The following CCDC136 variants were observed in gnomAD, a reference collection of about 807,000 sequenced individuals.
CCDC136 encodes coiled-coil domain-containing protein 136.
A neutral mutation model predicts 141.2 loss-of-function variants in CCDC136; 100 were observed. The observed-to-expected ratio is 0.71, with a 90% CI of 0.60 to 0.84. The LOEUF (loss-of-function observed/expected upper bound fraction) is 0.84. Among genes scored for constraint, CCDC136 ranks in the 40% least tolerant of loss-of-function variants. The pLI is 0.00. For synonymous variants in CCDC136, 474 were observed against 531.9 expected, an observed-to-expected ratio of 0.89 and a Z score of 1.50; for missense variants, 1,206 against 1,379.4, an observed-to-expected ratio of 0.87 and a Z score of 1.99.
chr7:128,809,427 T>TCCACACCCCCCCCCCC, intron 10 of CCDC136, 23 bp from the exon 11 acceptor site: 1 of 991,898 alleles, frequency 1.0e-6, no homozygotes, highest in Non-Finnish European at 1.5e-6. Flanking sequence ...AACCACCCCC[T>TCCACACCCCCCCCCCC]CCACACCCGC....
At chr7:128,792,501 C>T in intron 1 of CCDC136, 74 bp downstream of exon 1, 1 of 1,217,764 alleles carries the variant, frequency 8.2e-7, no homozygotes, top group Non-Finnish European at 1.2e-6. Flanking sequence ...CCCTCTGACC[C>T]CCAGGCCTCT....
At chr7:128,814,288 G>A (rs894911346) in intron 14 of CCDC136, among the ~76,000 whole-genome samples, 44 of 152,020 alleles carry the variant, frequency 2.9e-4, no homozygotes, top group African/African-American at 1.0e-3. Context: ...GTTTCACCAT[G>A]TTGGCCAGGC....
intron 12 of CCDC136, 101 bp from the exon 13 acceptor site, chr7:128,811,699 A>G (rs983523185): frequency 8.1e-6 from 9 of 1,108,854 alleles, no homozygotes; most frequent in East Asian, 2.5e-5. Context: ...TAGGTGTGCC[A>G]TTCTCTAAGG....
intron 12 of CCDC136, chr7:128,811,142 G>T (rs1205798231): frequency 5.7e-6 from 2 of 353,696 alleles, no homozygotes; most frequent in Non-Finnish European, 1.1e-5. Context: ...GGAGAACCAG[G>T]GAGTAGCAGA....
intron 1 of CCDC136, 66 bp downstream of exon 1, chr7:128,792,493 C>G: frequency 7.7e-7 from 1 of 1,292,648 alleles, no homozygotes. Flanking sequence ...TCTTTCCTCC[C>G]TCTGACCCCC....
chr7:128,807,711 T>C lies in CCDC136; in HGVS notation c.1605+166T>C. 6.8e-6 allele frequency: 3 copies of C among 442,994 alleles called. No individual in the cohort carries two copies. In the Middle Eastern group the frequency reaches 1.7e-3, roughly 244 times the overall value. 27.4% of individuals were successfully genotyped at this position (442,994 alleles called of 1,614,324 possible). Reference sequence around the variant, plus strand: ...AACTTCAAAATTGTTTGCCCTGACCTTGACTTTGAGCCAGAGCCACAGCTT... The same window carrying C: ...AACTTCAAAATTGTTTGCCCTGACCCTGACTTTGAGCCAGAGCCACAGCTT... On this transcript the variant is annotated intron_variant, in intron 10 of 17. Transcript: ENST00000297788.
intron 3 of CCDC136, among the ~76,000 whole-genome samples, chr7:128,796,951 C>T (rs973855583): frequency 5.3e-5 from 8 of 150,952 alleles, no homozygotes; most frequent in Non-Finnish European, 1.0e-4. Flanking sequence ...CCGTTTTAGC[C>T]GGGATGGTCT....
rs765467485 is a variant in CCDC136, at chr7:128,804,653, A to T, written c.674A>T (p.Glu225Val). ...TCTCTCTGCCTGTCCTCTGCAGAAG[A>T]ACTGCAGGAGCTGCGGGAACGCTAC... Reference protein sequence around the residue: ...GLSDYSGLQEELQELRERYHF... With the variant: ...GLSDYSGLQEVLQELRERYHF... Residue 225 changes from glutamate to valine, a missense_variant, in exon 5 of 18, where the codon GAA (glutamate) becomes GTA (valine). Physicochemically the swap from Glu to Val is moderately radical, Grantham distance 121. Transcript: ENST00000297788. The T allele has an allele frequency of 5.4e-5, 84 of 1,552,756 alleles. No homozygotes were observed. The highest frequency in any genetic ancestry group is 7.1e-5 in the Non-Finnish European group (81 of 1,143,340).
Position 128,794,509 on chromosome 7 carries a change from G to A in CCDC136, c.178G>A (p.Glu60Lys). ...GAGCCTCACGGAGACAGAGCTGGAGGAGCTGCGGGCTCAGGTGCTGCAGCT... is the reference window on the plus strand; with the variant it reads ...GAGCCTCACGGAGACAGAGCTGGAGAAGCTGCGGGCTCAGGTGCTGCAGCT... ...GLSLTETELE[E>K]LRAQVLQLVA... The change falls in exon 2 of 18, where the codon GAG (glutamate) becomes AAG (lysine). Residue 60 changes from glutamate (E) to lysine (K), a missense_variant. Physicochemically the swap from Glu to Lys is moderately conservative, Grantham distance 56. Coordinates refer to ENST00000297788, the MANE Select transcript of CCDC136 (RefSeq NM_022742.5). The surrounding 1 kb of genome is among the most constrained non-coding windows in gnomAD (Gnocchi z 4.3). 1.3e-6 allele frequency: 2 copies of A among 1,552,774 alleles called. No individual in the cohort carries two copies. The highest frequency in any genetic ancestry group is 2.4e-5 in the East Asian group (1 of 40,980).
In CCDC136 at chr7:128,801,058, A is replaced by T. The variant is rs1803946196; in HGVS notation, c.347-128A>T. 7 of 639,138 alleles carry T rather than the reference A, an allele frequency of 1.1e-5. No homozygotes were observed. In the South Asian group the frequency reaches 1.4e-4, roughly 13 times the overall value. The allele number at this position is 639,138 out of a possible 1,614,324, so 39.6% of individuals were successfully genotyped here. ...TCCGGCATGATGCTACACTTCTCTG[A>T]TGGGGTAGAGACAAGGTTTTCAGGA... On this transcript the variant is annotated intron_variant, in intron 3 of 17. Transcript: ENST00000297788.
rs999891532 is a variant in CCDC136 at position 128,794,901 on chromosome 7, A to G, written c.346+133A>G. On this transcript the variant is annotated intron_variant, in intron 3 of 17. Coordinates refer to ENST00000297788, the MANE Select transcript of CCDC136 (RefSeq NM_022742.5). The surrounding 1 kb of genome is among the most constrained non-coding windows in gnomAD (Gnocchi z 4.3). ...CAGTAATTTCACCTCATTTTCCTCT[A>G]CTAGTCTCACCCTTTTCCTCTCCTT... 5.2e-5 allele frequency: 36 copies of G among 690,562 alleles called. No homozygotes were observed. The Admixed American group carries it at 6.8e-4, about 13-fold the overall frequency. 42.8% of individuals were successfully genotyped at this position (690,562 alleles called of 1,614,324 possible).
intron 14 of CCDC136, 39 bp from the exon 15 acceptor site, chr7:128,814,599 C>T (rs1199980031): frequency 6.7e-7 from 1 of 1,500,116 alleles, no homozygotes; most frequent in African/African-American, 1.4e-5. Flanking sequence ...GGTTGCATAA[C>T]CAGCCAACTC....
Position 128,794,840 on chromosome 7 carries a change from T to A in CCDC136, c.346+72T>A. 8.2e-7 allele frequency: 1 copy of A among 1,224,484 alleles called. No individual in the cohort carries two copies. The highest frequency in any genetic ancestry group is 1.2e-6 in the Non-Finnish European group (1 of 853,446). The allele number at this position is 1,224,484 out of a possible 1,614,324, so 75.9% of individuals were successfully genotyped here. ...CACCTAAGTACTTTTTTCCTGAGGG[T>A]TTGACTGAAGCACAGCAGATAAAAA... On this transcript the variant is annotated intron_variant, in intron 3 of 17. Transcript: ENST00000297788. The surrounding 1 kb of genome is among the most constrained non-coding windows in gnomAD (Gnocchi z 4.3).
At chr7:128,812,968 C>T (rs1239989323) in intron 14 of CCDC136, 39 bp downstream of exon 14, 2 of 1,437,564 alleles carry the variant, frequency 1.4e-6, no homozygotes, top group South Asian at 1.2e-5. Flanking sequence ...CTCTGGCAGC[C>T]CCTGGAGCCA....
At position 128,812,716 on chromosome 7, in the gene CCDC136, G is replaced by A; in HGVS notation, c.2550G>A (p.Glu850=). The change falls in exon 14 of 18, where the codon GAG becomes GAA. Residue 850 remains glutamate (E), a synonymous_variant. Transcript: ENST00000297788. ...TCCCCCACCCCCCGCAGCGCTTTGA[G>A]GAAATGGTTGTGAAAGTGCTGATCA... ...PAEPEDMERF[E]EMVVKVLIKL... is the part of the protein sequence containing the mutation. The A allele has an allele frequency of 1.9e-6, 3 of 1,612,904 alleles. No homozygotes were observed. The highest frequency in any genetic ancestry group is 2.5e-6 in the Non-Finnish European group (3 of 1,179,676).
chr7:128,796,739 A>ATATATATATATATATATTTTTT, intron 3 of CCDC136, among the ~76,000 whole-genome samples: 3 of 113,376 alleles, frequency 2.6e-5, no homozygotes, highest in African/African-American at 9.2e-5. Context: ...ATATATATAT[A>ATATATATATATATATATTTTTT]TTCTTTTTTT....
intron 10 of CCDC136, among the ~76,000 whole-genome samples, chr7:128,808,264 T>C (rs936467491): frequency 3.9e-5 from 6 of 152,192 alleles, no homozygotes. Context: ...CTCGAACTCC[T>C]GACCTCAGGT....
At chr7:128,814,230 C>T (rs1218665153) in intron 14 of CCDC136, among the ~76,000 whole-genome samples, 3 of 151,798 alleles carry the variant, frequency 2.0e-5, no homozygotes, top group Non-Finnish European at 4.4e-5. Flanking sequence ...GGACTACAGG[C>T]GCGCTCCAAT....
intron 17 of CCDC136, chr7:128,818,410 C>T (rs1806969006): frequency 6.5e-6 from 1 of 153,752 alleles, no homozygotes. Flanking sequence ...GGAGGGCAAC[C>T]TAAGCTGGTC....
Sources: allele counts gnomAD v4.1 joint callset (sites outside exome capture counted in the v4.1 genomes callset), GRCh38; gene constraint gnomAD v4.1.1; non-coding constraint Gnocchi (gnomAD v3.1); transcripts MANE v1.5; gene names NCBI Gene and HGNC (gene_info 2026-07-23, HGNC 2026-07-21).